Variants in ACYP2 observed in about 807,000 individuals in gnomAD.
ACYP2 encodes the protein acylphosphatase 2.
In ACYP2, 12 loss-of-function variants were observed where a neutral mutation model predicts 11.2. That is an observed-to-expected ratio of 1.08 (90% CI 0.69 to 1.74). The LOEUF (loss-of-function observed/expected upper bound fraction) is 1.74, where lower values mean the gene tolerates loss of function less well. Ranked by LOEUF, ACYP2 falls within the 40% of genes most tolerant of loss-of-function variation. The pLI is 0.00. For missense variants in ACYP2, 134 were observed against 101.9 expected (o/e 1.31, Z -1.35); for synonymous variants, 43 against 32.2 (o/e 1.33, Z -1.13).
chr2:54,248,305 TATTA>T (rs1445167041), intron 6 of ACYP2, among the ~76,000 whole-genome samples: 3 of 152,212 alleles, frequency 2.0e-5, no homozygotes, highest in Admixed American at 2.0e-4. Context: ...ATTAGCCAAT[TATTA>T]TTTATTGACC....
At chr2:54,300,929 T>C (rs555316234) in intron 6 of ACYP2, among the ~76,000 whole-genome samples, 1 of 152,346 alleles carries the variant, frequency 6.6e-6, no homozygotes, top group African/African-American at 2.4e-5. Context: ...CTTGCTTTAT[T>C]TGTATTTTTA....
chr2:54,197,803 C>A lies in ACYP2; in HGVS notation c.404+59055C>A, dbSNP rs1223945496. Among the ~76,000 whole-genome samples, 4 of 152,216 alleles carry A rather than the reference C, an allele frequency of 2.6e-5. No homozygotes were observed. The East Asian group carries it at 7.7e-4, about 29-fold the overall frequency. ...ATTTGGTCAAAAGACTGGGGAGGGA[C>A]AGTCAGGTCTTGGGTAAGAAACATA... is the stretch of plus-strand genomic sequence containing the variant. On this transcript the variant is annotated intron_variant, in intron 6 of 6. Coordinates refer to ENST00000607452, the MANE Select transcript of ACYP2 (RefSeq NM_001320586.2).
At chr2:54,154,479 T>C (rs1682343945) in intron 6 of ACYP2, among the ~76,000 whole-genome samples, 1 of 152,226 alleles carries the variant, frequency 6.6e-6, no homozygotes, top group Non-Finnish European at 1.5e-5. Context: ...AATTTATTAG[T>C]GAAAGGATGT....
intron 4 of ACYP2, among the ~76,000 whole-genome samples, chr2:54,093,125 GTC>G (rs1243147397): frequency 1.3e-5 from 2 of 152,136 alleles, no homozygotes; most frequent in African/African-American, 2.4e-5. Flanking sequence ...CTACATGTAA[GTC>G]TCTGCCTGAG....
rs529927205 is a variant in ACYP2, at chr2:54,222,810, T to C, written c.405-81878T>C. 6.8e-4 allele frequency among the ~76,000 whole-genome samples: 103 copies of C among 152,310 alleles called. 1 individual carries two copies. The highest frequency in any genetic ancestry group is 2.5e-3 in the African/African-American group (102 of 41,568). ...CCTTGGAGGCCACCTTGATTTGCCA[T>C]GTCAGTCTGAGTGTAAAGCTCAACC... On this transcript the variant is annotated intron_variant, in intron 6 of 6. Transcript: ENST00000607452.
chr2:53,986,886 A>G (rs1388918615), intron 2 of ACYP2, among the ~76,000 whole-genome samples: 2 of 152,072 alleles, frequency 1.3e-5, no homozygotes, highest in African/African-American at 4.8e-5. Flanking sequence ...TGGCCTCCCA[A>G]AGTGCTAAGA....
chr2:54,083,630 A>C (rs944720177), intron 4 of ACYP2, among the ~76,000 whole-genome samples: 5 of 152,198 alleles, frequency 3.3e-5, no homozygotes, highest in Non-Finnish European at 7.3e-5. Context: ...ATGACTCTCT[A>C]CACAAACATG....
At chr2:54,299,551 C>T (rs569474000) in intron 6 of ACYP2, among the ~76,000 whole-genome samples, 29 of 147,976 alleles carry the variant, frequency 2.0e-4, no homozygotes, top group Non-Finnish European at 3.9e-4. Context: ...CAGATTGCGC[C>T]GTGGTACTCC....
intron 4 of ACYP2, chr2:54,115,376 A>G (rs1679689436): frequency 1.9e-6 from 1 of 534,814 alleles, no homozygotes; most frequent in South Asian, 3.1e-5. Flanking sequence ...TTTATTTACT[A>G]ACTTTGAGAA....
intron 6 of ACYP2, among the ~76,000 whole-genome samples, chr2:54,236,367 G>A (rs1686477363): frequency 6.6e-6 from 1 of 152,130 alleles, no homozygotes; most frequent in South Asian, 2.1e-4. Context: ...TCGTAGAATA[G>A]TTTTAATGGT....
intron 2 of ACYP2, among the ~76,000 whole-genome samples, chr2:54,027,415 G>C (rs1160397215): frequency 1.3e-5 from 2 of 152,150 alleles, no homozygotes; most frequent in Admixed American, 1.3e-4. Context: ...GGGATGCCAA[G>C]AAGAAACTGA....
intron 6 of ACYP2, among the ~76,000 whole-genome samples, chr2:54,213,022 G>A (rs1029564494): frequency 2.0e-5 from 3 of 151,410 alleles, no homozygotes; most frequent in African/African-American, 7.3e-5. Context: ...GTTGTTTGGT[G>A]TACACATTAT....
At chr2:54,008,399 G>C (rs903644516) in intron 2 of ACYP2, among the ~76,000 whole-genome samples, 8 of 152,238 alleles carry the variant, frequency 5.3e-5, no homozygotes, top group African/African-American at 1.9e-4. Context: ...TGCAGGGACA[G>C]AGGTTGCCTC....
intron 6 of ACYP2, among the ~76,000 whole-genome samples, chr2:54,157,764 CA>C (rs1393661876): frequency 6.6e-6 from 1 of 152,074 alleles, no homozygotes; most frequent in African/African-American, 2.4e-5. Flanking sequence ...GGTGGTTTTC[CA>C]ATTCTAGATG....
intron 6 of ACYP2, among the ~76,000 whole-genome samples, chr2:54,200,886 G>T (rs1177766105): frequency 6.6e-6 from 1 of 152,136 alleles, no homozygotes; most frequent in Non-Finnish European, 1.5e-5. Context: ...GTGTATGAGT[G>T]TTCTAATTTC....
chr2:54,124,254 G>A (rs1367884356), intron 4 of ACYP2, among the ~76,000 whole-genome samples: 1 of 151,754 alleles, frequency 6.6e-6, no homozygotes, highest in African/African-American at 2.4e-5. Context: ...GAGTGCAATG[G>A]CGCGATGTGG....
chr2:54,244,236 C>CT (rs2103992323), intron 6 of ACYP2, among the ~76,000 whole-genome samples: 1 of 152,262 alleles, frequency 6.6e-6, no homozygotes, highest in South Asian at 2.1e-4. Context: ...GGGCCTCACT[C>CT]TGTCACCCAG....
chr2:54,085,985 C>T (rs189512725), intron 4 of ACYP2, among the ~76,000 whole-genome samples: 5 of 152,168 alleles, frequency 3.3e-5, no homozygotes, highest in African/African-American at 9.6e-5. Flanking sequence ...CACTCTGTTG[C>T]CAGGCTAGAA....
intron 2 of ACYP2, among the ~76,000 whole-genome samples, chr2:53,990,573 C>T (rs887637342): frequency 5.5e-5 from 8 of 144,848 alleles, no homozygotes; most frequent in Non-Finnish European, 1.2e-4. Context: ...CTGTTGAACC[C>T]GGGAGGTGCA....
Sources: gnomAD v4.1 joint callset for allele counts (sites outside exome capture counted in the v4.1 genomes callset) on GRCh38, gnomAD v4.1.1 for gene constraint, MANE v1.5 for transcripts, NCBI Gene and HGNC (gene_info 2026-07-23, HGNC 2026-07-21) for gene names.